Variants in DNAH9 observed in about 807,000 individuals in gnomAD.
The protein encoded by DNAH9 is dynein axonemal heavy chain 9.
In DNAH9, 345 loss-of-function variants were observed where a neutral mutation model predicts 471.6. The ratio of observed to expected loss-of-function variants is 0.73; its 90% CI spans 0.67 to 0.80. DNAH9 has a LOEUF of 0.80. DNAH9 is among the 30% of genes least tolerant of loss of function. The pLI is 0.00. For missense variants in DNAH9, 5,407 were observed against 5,609.2 expected (o/e 0.96, Z 1.15); for synonymous variants, 2,093 against 2,123.6 (o/e 0.99, Z 0.40).
intron 59 of DNAH9, among the ~76,000 whole-genome samples, chr17:11,900,100 G>GAAAA (rs10627147): frequency 6.7e-6 from 1 of 148,596 alleles, no homozygotes. Context: ...TTTTCCAAAT[G>GAAAA]AAAAAAAAAA....
intron 28 of DNAH9, among the ~76,000 whole-genome samples, chr17:11,730,074 C>CA (rs1467390808): frequency 6.6e-6 from 1 of 152,186 alleles, no homozygotes. Flanking sequence ...TGAAAGTTGC[C>CA]AGAACGTGAG....
intron 31 of DNAH9, among the ~76,000 whole-genome samples, chr17:11,746,948 A>G (rs1268736941): frequency 6.6e-6 from 1 of 152,238 alleles, no homozygotes; most frequent in African/African-American, 2.4e-5. Context: ...CAAAAAAATC[A>G]AGAATCAAGA....
intron 49 of DNAH9, among the ~76,000 whole-genome samples, chr17:11,842,664 A>G (rs750079807): frequency 1.3e-5 from 2 of 152,196 alleles, no homozygotes; most frequent in Non-Finnish European, 2.9e-5. Context: ...CTGATGTTAG[A>G]GGGCAGAAAG....
At chr17:11,851,899 C>G (rs1369656404) in intron 49 of DNAH9, among the ~76,000 whole-genome samples, 1 of 152,162 alleles carries the variant, frequency 6.6e-6, no homozygotes, top group Non-Finnish European at 1.5e-5. Flanking sequence ...CGTGATATAT[C>G]TGGGTTATAA....
At chr17:11,642,008 G>T (rs572411370) in intron 10 of DNAH9, among the ~76,000 whole-genome samples, 1 of 152,084 alleles carries the variant, frequency 6.6e-6, no homozygotes, top group Non-Finnish European at 1.5e-5. Context: ...CTGGGGAGGG[G>T]CGTGACCTTT....
intron 66 of DNAH9, among the ~76,000 whole-genome samples, chr17:11,941,602 G>T (rs1332509260): frequency 6.6e-6 from 1 of 152,072 alleles, no homozygotes; most frequent in Non-Finnish European, 1.5e-5. Flanking sequence ...TACAACAGGA[G>T]GTTTACATGA....
Position 11,644,693 on chromosome 17 carries a change from T to C in DNAH9, c.1964T>C (p.Leu655Pro), listed in dbSNP as rs1222171745. The C allele has an allele frequency of 1.2e-6, 2 of 1,611,150 alleles. No individual in the cohort carries two copies. Among genetic ancestry groups the C allele is most frequent in the Non-Finnish European group, 1.7e-6 (2 of 1,178,138 alleles). ...QQKYEDMLSL[L>P]EKYETRLYED... ...AAATATGAAGATATGCTGTCATTGC[T>C]AGAAAAGTAAGCAACTTCTGGCATT... is the stretch of plus-strand genomic sequence containing the variant. Residue 655 changes from leucine to proline, a missense_variant, in exon 11 of 69, where the codon CTA (leucine) becomes CCA (proline). Around this residue, in one of 3 missense-constraint regions of DNAH9, gnomAD observed 4,636 missense variants for 4,900.3 expected, o/e 0.95. Coordinates refer to ENST00000262442, the MANE Select transcript of DNAH9 (RefSeq NM_001372.4).
At chr17:11,632,984 T>C (rs1390333001) in intron 8 of DNAH9, among the ~76,000 whole-genome samples, 2 of 152,112 alleles carry the variant, frequency 1.3e-5, no homozygotes, top group Non-Finnish European at 2.9e-5. Flanking sequence ...CCTTTAGCAG[T>C]AGGGAAAGTG....
At chr17:11,679,383 C>T (rs1217156577) in intron 17 of DNAH9, among the ~76,000 whole-genome samples, 1 of 152,228 alleles carries the variant, frequency 6.6e-6, no homozygotes, top group Non-Finnish European at 1.5e-5. Context: ...ATAAATTTTG[C>T]CACTTCTCTG....
chr17:11,832,202 T>G (rs150084729), intron 48 of DNAH9, among the ~76,000 whole-genome samples: 1 of 152,300 alleles, frequency 6.6e-6, no homozygotes, highest in Non-Finnish European at 1.5e-5. Context: ...GAGCCCTAAT[T>G]CTGACTGATG....
chr17:11,759,499 AG>A (rs1266723671), intron 35 of DNAH9, among the ~76,000 whole-genome samples: 6 of 146,376 alleles, frequency 4.1e-5, no homozygotes, highest in African/African-American at 1.5e-4. Context: ...TGATATACAT[AG>A]GTATATATAC....
chr17:11,807,289 C>T (rs1969724737), intron 43 of DNAH9, among the ~76,000 whole-genome samples: 1 of 152,190 alleles, frequency 6.6e-6, no homozygotes, highest in Non-Finnish European at 1.5e-5. Flanking sequence ...AACTTCTGCT[C>T]CTGCCTTGTC....
At position 11,822,038 on chromosome 17, in the gene DNAH9, A is replaced by G; in HGVS notation, c.8826A>G (p.Ile2942Met). Residue 2942 changes from isoleucine to methionine, a missense_variant, in exon 46 of 69, where the codon ATA becomes ATG. This residue lies in a region of DNAH9 where 4,636 missense variants were observed against 4,900.3 expected (regional missense o/e 0.95). Coordinates refer to ENST00000262442, the MANE Select transcript of DNAH9 (RefSeq NM_001372.4). ...GAGAGAACTGTTGGAAGTTCTTTATAGATCGGATCCGGCGACAGCTGAAGG... is the reference window on the plus strand; with the variant it reads ...GAGAGAACTGTTGGAAGTTCTTTATGGATCGGATCCGGCGACAGCTGAAGG... Reference protein sequence around the residue: ...DNRENCWKFFIDRIRRQLKVT... With the variant: ...DNRENCWKFFMDRIRRQLKVT... 1 of 1,613,572 alleles carries G rather than the reference A, an allele frequency of 6.2e-7. No individual in the cohort carries two copies. Among genetic ancestry groups the G allele is most frequent in the Non-Finnish European group, 8.5e-7 (1 of 1,179,864 alleles).
chr17:11,636,701 T>C lies in DNAH9; in HGVS notation c.1703T>C (p.Leu568Pro), dbSNP rs1484875683. ...LVARDTSDKY[L>P]VLIQMFNKDL... ...GCGAGGGATACATCTGATAAATACC[T>C]GGTCCTCATCCAAATGTTCAACAAA... Residue 568 changes from leucine to proline, a missense_variant, in exon 9 of 69, where the codon CTG (leucine) becomes CCG (proline). Leu to Pro is a moderately conservative substitution (Grantham distance 98). This residue lies in a region of DNAH9 where 4,636 missense variants were observed against 4,900.3 expected (regional missense o/e 0.95). Coordinates refer to ENST00000262442, the MANE Select transcript of DNAH9 (RefSeq NM_001372.4). 3 of 1,613,638 alleles carry C rather than the reference T, an allele frequency of 1.9e-6. No homozygotes were observed. In the Admixed American group the frequency reaches 5.0e-5, roughly 27 times the overall value.
Position 11,626,549 on chromosome 17 carries a change from T to C in DNAH9, c.1351-2868T>C, listed in dbSNP as rs537803353. 6.6e-6 allele frequency among the ~76,000 whole-genome samples: 1 copy of C among 152,322 alleles called. No individual in the cohort carries two copies. Among genetic ancestry groups the C allele is most frequent in the East Asian group, 1.9e-4 (1 of 5,168 alleles). ...CCATTCTACAGCATTAGATGGTTTT[T>C]TATTAAGTGAAACCACAGGAAATGG... On this transcript the variant is annotated intron_variant, in intron 6 of 68. Coordinates refer to ENST00000262442, the MANE Select transcript of DNAH9 (RefSeq NM_001372.4). The surrounding 1 kb of genome is among the most constrained non-coding windows in gnomAD (Gnocchi z 4.3).
chr17:11,674,478 A>G (rs552352350), intron 17 of DNAH9, among the ~76,000 whole-genome samples: 33 of 152,024 alleles, frequency 2.2e-4, no homozygotes, highest in African/African-American at 7.2e-4. Context: ...GTTTTTGGTG[A>G]GTCATTATGT....
In DNAH9 at chr17:11,647,138, C is replaced by G. The variant is rs779548069; in HGVS notation, c.2037C>G (p.Ser679=). The change falls in exon 12 of 69, where the codon TCC becomes TCG. Residue 679 remains serine (S), a synonymous_variant. Coordinates refer to ENST00000262442, the MANE Select transcript of DNAH9 (RefSeq NM_001372.4). ...CAGAGAAGTCACAGTACAATCTTTC[C>G]CAACCACTTCTAAAACGTGACCCAG... ...TVSEKSQYNL[S]QPLLKRDPET... The G allele has an allele frequency of 6.2e-7, 1 of 1,613,944 alleles. No individual in the cohort carries two copies. The highest frequency in any genetic ancestry group is 1.1e-5 in the South Asian group (1 of 91,062).
chr17:11,622,611 A>G (rs1464231176), intron 6 of DNAH9, among the ~76,000 whole-genome samples: 3 of 152,188 alleles, frequency 2.0e-5, no homozygotes, highest in Non-Finnish European at 2.9e-5. Flanking sequence ...GTAGCAGAGC[A>G]TGACCCCAGG....
In DNAH9 at chr17:11,881,344, G is replaced by A; in HGVS notation, c.10737G>A (p.Arg3579=). 6.2e-7 allele frequency: 1 copy of A among 1,614,174 alleles called. No individual in the cohort carries two copies. The highest frequency in any genetic ancestry group is 8.5e-7 in the Non-Finnish European group (1 of 1,180,022). The change falls in exon 55 of 69, where the codon AGG becomes AGA. Residue 3579 remains arginine (R), a synonymous_variant. Transcript: ENST00000262442. The part of the protein sequence containing the change: ...QATLINFTVT[R]DGLEDQLLAA... The stretch of plus-strand genomic sequence containing the variant: ...CCCTGATCAACTTCACCGTGACCAG[G>A]GATGGCCTGGAGGACCAGTTGCTGG...
Sources: gnomAD v4.1 joint callset for allele counts (sites outside exome capture counted in the v4.1 genomes callset) on GRCh38, gnomAD v4.1.1 for gene constraint, gnomAD v4.1.1 regional missense constraint, Gnocchi (gnomAD v3.1) non-coding constraint, MANE v1.5 for transcripts, NCBI Gene and HGNC (gene_info 2026-07-23, HGNC 2026-07-21) for gene names.